The following EFCAB13 variants were observed in gnomAD, a reference collection of about 807,000 sequenced individuals.
EFCAB13 encodes the protein EF-hand calcium binding domain 13.
In EFCAB13, 91 loss-of-function variants were observed where a neutral mutation model predicts 110.2. The ratio of observed to expected loss-of-function variants is 0.83; its 90% confidence interval spans 0.70 to 0.98. The LOEUF (loss-of-function observed/expected upper bound fraction) is 0.98. Ranked by LOEUF, EFCAB13 falls within the 50% of genes least tolerant of loss-of-function variation. The pLI is 0.00. For missense variants in EFCAB13, 968 were observed against 1,119.4 expected, an observed-to-expected ratio of 0.86 and a Z score of 1.93; for synonymous variants, 323 against 369.9, an observed-to-expected ratio of 0.87 and a Z score of 1.45.
At chr17:47,370,902 C>T (rs1425772099) in intron 11 of EFCAB13, among the ~76,000 whole-genome samples, 4 of 151,474 alleles carry the variant, frequency 2.6e-5, no homozygotes, top group Non-Finnish European at 5.9e-5. Flanking sequence ...CCACCATGCC[C>T]AGCTAGTTTT....
At chr17:47,355,668 G>C (rs1244351481) in intron 9 of EFCAB13, among the ~76,000 whole-genome samples, 3 of 151,094 alleles carry the variant, frequency 2.0e-5, no homozygotes, top group African/African-American at 7.3e-5. Context: ...TGCCTCCCAG[G>C]TTCAAGTGAT....
At chr17:47,395,131 G>A (rs1298394936) in intron 16 of EFCAB13, among the ~76,000 whole-genome samples, 2 of 152,036 alleles carry the variant, frequency 1.3e-5, no homozygotes, top group Non-Finnish European at 2.9e-5. Context: ...ACCCTAGACT[G>A]TCTTGCCTCC....
At chr17:47,423,397 A>C (rs1405401623) in intron 23 of EFCAB13, 1 of 163,912 alleles carries the variant, frequency 6.1e-6, no homozygotes, top group Admixed American at 6.4e-5. Flanking sequence ...TTGTTTAAAA[A>C]TAAAAAAGTT....
chr17:47,375,353 T>A (rs897033726), intron 12 of EFCAB13, among the ~76,000 whole-genome samples: 8 of 152,160 alleles, frequency 5.3e-5, no homozygotes, highest in African/African-American at 1.9e-4. Context: ...TGTAGTGGCG[T>A]GATCCTAGCT....
chr17:47,389,271 C>T (rs2065692931), intron 14 of EFCAB13, among the ~76,000 whole-genome samples: 1 of 152,170 alleles, frequency 6.6e-6, no homozygotes, highest in African/African-American at 2.4e-5. Flanking sequence ...CTCCTGGTAT[C>T]AAGCAATTCC....
intron 9 of EFCAB13, among the ~76,000 whole-genome samples, chr17:47,356,269 G>A (rs1050640697): frequency 8.5e-5 from 13 of 152,080 alleles, no homozygotes; most frequent in African/African-American, 3.1e-4. Flanking sequence ...AAAGAACGTT[G>A]TTTTGTCATA....
chr17:47,402,696 T>C (rs2065785296), intron 18 of EFCAB13, among the ~76,000 whole-genome samples: 1 of 152,184 alleles, frequency 6.6e-6, no homozygotes, highest in Non-Finnish European at 1.5e-5. Flanking sequence ...CTCATCCTTA[T>C]TATCATTGGA....
chr17:47,386,170 C>T (rs530394157), intron 14 of EFCAB13, among the ~76,000 whole-genome samples: 16 of 152,188 alleles, frequency 1.1e-4, no homozygotes, highest in Middle Eastern at 3.2e-3. Flanking sequence ...TGGGAGAGCC[C>T]TCCTTGTCAG....
intron 24 of EFCAB13, among the ~76,000 whole-genome samples, chr17:47,433,705 C>T (rs1905160915): frequency 6.6e-6 from 1 of 152,132 alleles, no homozygotes; most frequent in Admixed American, 6.5e-5. Flanking sequence ...TCGGCAGGGA[C>T]GATTTATTCC....
At chr17:47,391,649 C>T in intron 15 of EFCAB13, 69 bp downstream of exon 15, 7 of 1,394,824 alleles carry the variant, frequency 5.0e-6, no homozygotes, top group Non-Finnish European at 6.7e-6. Context: ...TTATTTTTTT[C>T]TTAGAAAAAT....
Position 47,386,951 on chromosome 17 carries a change from G to A in EFCAB13, c.1583-4486G>A, listed in dbSNP as rs915866364. Among the ~76,000 whole-genome samples, 10 of 146,542 alleles carry A rather than the reference G, an allele frequency of 6.8e-5. No individual in the cohort carries two copies. In the South Asian group the frequency reaches 1.1e-3, roughly 17 times the overall value. ...GCGATGCCCAACCCTGCTTCTGCTC[G>A]CCCTCCATGGGCTGCACCCACTGCC... On this transcript the variant is annotated intron_variant, in intron 14 of 24. Coordinates refer to ENST00000331493, the MANE Select transcript of EFCAB13 (RefSeq NM_152347.5).
chr17:47,424,874 CTTTTTTTTTTTTTTT>C (rs548271723), intron 23 of EFCAB13, among the ~76,000 whole-genome samples: 1 of 36,902 alleles, frequency 2.7e-5, no homozygotes, highest in South Asian at 1.0e-3. Context: ...GGTTGACAAT[CTTTTTTTTTTTTTTT>C]TTTTTTTTTT....
At chr17:47,420,180 C>T (rs1265920918) in intron 23 of EFCAB13, among the ~76,000 whole-genome samples, 2 of 152,246 alleles carry the variant, frequency 1.3e-5, no homozygotes, top group Non-Finnish European at 1.5e-5. Flanking sequence ...CAGCTCCTAA[C>T]GTGAGTGATC....
chr17:47,336,742 C>T (rs1172410965), intron 5 of EFCAB13, among the ~76,000 whole-genome samples: 1 of 151,958 alleles, frequency 6.6e-6, no homozygotes, highest in Non-Finnish European at 1.5e-5. Flanking sequence ...CCCGACCAAG[C>T]TATTTGAATC....
At chr17:47,406,835 C>T (rs1026962453) in intron 20 of EFCAB13, among the ~76,000 whole-genome samples, 2 of 152,188 alleles carry the variant, frequency 1.3e-5, no homozygotes, top group Non-Finnish European at 2.9e-5. Flanking sequence ...TGAATCTTCT[C>T]TCTAGACTCA....
At chr17:47,379,156 A>G in intron 13 of EFCAB13, 26 bp from the exon 14 acceptor site, 2 of 1,585,564 alleles carry the variant, frequency 1.3e-6, no homozygotes, top group South Asian at 1.1e-5. Flanking sequence ...ACCAGAATGT[A>G]TAATCTAAAC....
intron 10 of EFCAB13, 132 bp from the exon 11 acceptor site, chr17:47,370,305 T>C: frequency 1.5e-6 from 1 of 672,342 alleles, no homozygotes; most frequent in Non-Finnish European, 2.6e-6. Flanking sequence ...TCAGATTTTA[T>C]TCAAGACTTT....
At chr17:47,411,538 G>C (rs868631135) in intron 21 of EFCAB13, among the ~76,000 whole-genome samples, 17 of 152,154 alleles carry the variant, frequency 1.1e-4, no homozygotes, top group Admixed American at 2.0e-4. Context: ...TTATAGATAT[G>C]ACAGATTTAG....
chr17:47,389,037 A>G (rs1230052626), intron 14 of EFCAB13, among the ~76,000 whole-genome samples: 1 of 152,008 alleles, frequency 6.6e-6, no homozygotes. Context: ...CTAGCCATTC[A>G]TAATCTTTTT....
Sources: allele counts gnomAD v4.1 joint callset (sites outside exome capture counted in the v4.1 genomes callset), GRCh38; gene constraint gnomAD v4.1.1; transcripts MANE v1.5; gene names NCBI Gene and HGNC (gene_info 2026-07-23, HGNC 2026-07-21).